BSPH1: variants seen among roughly 807,000 people sequenced by gnomAD.
BSPH1 encodes the protein binder of sperm protein homolog 1.
In BSPH1, 21 loss-of-function variants were observed where a neutral mutation model predicts 22.5. The ratio of observed to expected loss-of-function variants is 0.93; its 90% confidence interval spans 0.66 to 1.35. The LOEUF is 1.35. BSPH1 is among the 40% of genes most tolerant of loss of function. The probability of loss-of-function intolerance (pLI) is 0.00; values close to 1 mark genes in which losing one functional copy is unlikely to be tolerated. For missense variants in BSPH1, 141 were observed against 154.2 expected, an observed-to-expected ratio of 0.91 and a Z score of 0.45; for synonymous variants, 42 against 53.6, an observed-to-expected ratio of 0.78 and a Z score of 0.95.
At chr19:47,968,478 C>T in intron 5 of BSPH1, among the ~76,000 whole-genome samples, 1 of 151,554 alleles carries the variant, frequency 6.6e-6, no homozygotes, top group East Asian at 1.9e-4. Flanking sequence ...CTGCCTCAGC[C>T]TCCTGTGTAG....
chr19:47,977,742 CT>C, intron 3 of BSPH1: 1 of 943,028 alleles, frequency 1.1e-6, no homozygotes, highest in Non-Finnish European at 1.3e-6. Flanking sequence ...CAAAATTTTG[CT>C]TAGCATTTGC....
In BSPH1 at chr19:47,979,706, G is replaced by GTTAGGAAAAAAATGC. The variant is rs762757402; in HGVS notation, c.95-108_95-107insGCATTTTTTTCCTAA. 1,187 of 516,522 alleles carry GTTAGGAAAAAAATGC rather than the reference G, an allele frequency of 2.3e-3. 4 individuals carry two copies. The highest frequency in any genetic ancestry group is 3.3e-3 in the Non-Finnish European group (953 of 291,740). The allele number at this position is 516,522 out of a possible 1,614,324, so 32.0% of individuals were successfully genotyped here. A position where few individuals can be genotyped will look rare whatever the true frequency, so the allele number is the denominator to read the frequency against. On this transcript the variant is annotated intron_variant, in intron 2 of 5. Coordinates refer to ENST00000344839, the MANE Select transcript of BSPH1 (RefSeq NM_001128326.2). The stretch of plus-strand genomic sequence containing the variant: ...TAAAAATGTTAGTTTAGGAAAAAGT[G>GTTAGGAAAAAAATGC]ATATTGTTATGGCATTATGTTTTCC...
chr19:47,988,213 A>G (rs1969488926), intron 1 of BSPH1, among the ~76,000 whole-genome samples: 1 of 152,182 alleles, frequency 6.6e-6, no homozygotes, highest in Non-Finnish European at 1.5e-5. Flanking sequence ...ATCGACTACT[A>G]AATCCAAACC....
chr19:47,981,809 G>C (rs1369862254), intron 1 of BSPH1: 1 of 822,660 alleles, frequency 1.2e-6, no homozygotes. Context: ...TTCAACCATT[G>C]TTCCTTCATG....
chr19:47,987,431 G>A (rs1380672621), intron 1 of BSPH1, among the ~76,000 whole-genome samples: 2 of 150,294 alleles, frequency 1.3e-5, no homozygotes, highest in African/African-American at 4.9e-5. Flanking sequence ...TGTCACCCAG[G>A]TTGGAGTACA....
intron 3 of BSPH1, among the ~76,000 whole-genome samples, chr19:47,978,925 G>A (rs893864844): frequency 3.3e-5 from 5 of 152,164 alleles, no homozygotes; most frequent in Non-Finnish European, 7.3e-5. Context: ...ATGACAGATC[G>A]ATGATGAAAT....
intron 1 of BSPH1, among the ~76,000 whole-genome samples, chr19:47,986,584 A>G (rs1047574455): frequency 6.6e-6 from 1 of 151,896 alleles, no homozygotes; most frequent in African/African-American, 2.4e-5. Context: ...GCAATAAATA[A>G]AGACACAAAA....
intron 1 of BSPH1, among the ~76,000 whole-genome samples, chr19:47,984,164 AT>A (rs1323553660): frequency 9.1e-4 from 98 of 107,188 alleles, no homozygotes; most frequent in Middle Eastern, 4.6e-3. Flanking sequence ...AAAAAAAAAA[AT>A]ATATATATAT....
At chr19:47,971,329 C>G (rs961016097) in intron 5 of BSPH1, among the ~76,000 whole-genome samples, 1 of 152,130 alleles carries the variant, frequency 6.6e-6, no homozygotes, top group African/African-American at 2.4e-5. Context: ...CCTCAGCCTC[C>G]GGAGTAGCTG....
At chr19:47,970,351 G>C (rs749744668) in intron 5 of BSPH1, among the ~76,000 whole-genome samples, 1 of 152,258 alleles carries the variant, frequency 6.6e-6, no homozygotes, top group East Asian at 1.9e-4. Context: ...GAACGACTGC[G>C]CCTGGTCAAC....
chr19:47,972,845 C>T (rs114164999), intron 5 of BSPH1, among the ~76,000 whole-genome samples: 1 of 149,666 alleles, frequency 6.7e-6, no homozygotes, highest in South Asian at 2.1e-4. Flanking sequence ...GTGTGTATAC[C>T]CACACACACA....
chr19:47,983,809 A>G lies in BSPH1; in HGVS notation c.74-2868T>C, dbSNP rs748159105. On this transcript the variant is annotated intron_variant, in intron 1 of 5. Transcript: ENST00000344839. Reference sequence around the variant, plus strand: ...GATACAACAAAGTTAAAAAGAGCACATATTGTAACTCCATAAGGGCTTTGA... The same window carrying G: ...GATACAACAAAGTTAAAAAGAGCACGTATTGTAACTCCATAAGGGCTTTGA... Among the ~76,000 whole-genome samples the G allele has an allele frequency of 2.0e-5, 3 of 151,618 alleles. No homozygotes were observed. In the Admixed American group the frequency reaches 2.0e-4, roughly 10 times the overall value.
At chr19:47,991,390 G>T (rs1200922018) in intron 1 of BSPH1, among the ~76,000 whole-genome samples, 1 of 148,012 alleles carries the variant, frequency 6.8e-6, no homozygotes. Context: ...CTTCTTCCTT[G>T]TCCCTCTCCT....
chr19:47,992,049 C>T lies in BSPH1; in HGVS notation c.33G>A (p.Thr11=), dbSNP rs61022739. ...AGATGCAAGCTGAGGAATTTCGCGT[C>T]GTTTCCACGAAGAGAAGCATCAGGG... MGSLMLLFVE[T]TRNSSACIFP... is the part of the protein sequence containing the mutation. Residue 11 remains threonine (T), a synonymous_variant, in exon 1 of 6, where the codon ACG becomes ACA. Coordinates refer to ENST00000344839, the MANE Select transcript of BSPH1 (RefSeq NM_001128326.2). 98,468 of 1,548,770 alleles carry T rather than the reference C, an allele frequency of 0.064. 4,288 individuals are homozygous for T. The highest frequency in any genetic ancestry group is 0.21 in the East Asian group (8,477 of 40,708).
chr19:47,968,363 CTTTTTT>C (rs67184020), intron 5 of BSPH1, among the ~76,000 whole-genome samples, 154 bp from the exon 6 acceptor site: 19 of 141,046 alleles, frequency 1.3e-4, no homozygotes, highest in Non-Finnish European at 2.6e-4. Context: ...TCTCTTTTTT[CTTTTTT>C]TTTTTTTTTT....
At chr19:47,988,573 C>T (rs1969493114) in intron 1 of BSPH1, among the ~76,000 whole-genome samples, 1 of 151,982 alleles carries the variant, frequency 6.6e-6, no homozygotes, top group African/African-American at 2.4e-5. Flanking sequence ...GAGCTCTTAG[C>T]CATGGTTCCT....
chr19:47,969,277 C>A (rs947184084), intron 5 of BSPH1, among the ~76,000 whole-genome samples: 2 of 151,996 alleles, frequency 1.3e-5, no homozygotes, highest in African/African-American at 4.8e-5. Context: ...GGTGGATGGT[C>A]ATGAGATGGG....
In BSPH1 at chr19:47,973,149, G is replaced by A. The variant is rs995982550; in HGVS notation, c.*2+3561C>T. On this transcript the variant is annotated intron_variant, in intron 5 of 5. Coordinates refer to ENST00000344839, the MANE Select transcript of BSPH1 (RefSeq NM_001128326.2). Reference sequence around the variant, plus strand: ...GGAGAATGGTGTGAACCTGGGAGGCGGAGCTTGCAGTGAGCCGAGATCGCG... The same window carrying A: ...GGAGAATGGTGTGAACCTGGGAGGCAGAGCTTGCAGTGAGCCGAGATCGCG... Among the ~76,000 whole-genome samples, 11 of 151,270 alleles carry A rather than the reference G, an allele frequency of 7.3e-5. No individual in the cohort carries two copies. In the South Asian group the frequency reaches 1.7e-3, roughly 23 times the overall value.
intron 3 of BSPH1, among the ~76,000 whole-genome samples, chr19:47,977,860 G>A (rs7252494): frequency 0.5 from 74,785 of 150,722 alleles, 19,169 homozygotes; most frequent in African/African-American, 0.63. Context: ...ACCTCTTTCC[G>A]TCATCTCTCT....
Sources: allele counts gnomAD v4.1 joint callset (sites outside exome capture counted in the v4.1 genomes callset), GRCh38; gene constraint gnomAD v4.1.1; transcripts MANE v1.5; gene names NCBI Gene and HGNC (gene_info 2026-07-23, HGNC 2026-07-21).